The following SIRPG variants were observed in gnomAD, a reference collection of about 807,000 sequenced individuals.
SIRPG encodes the protein signal regulatory protein gamma.
SIRPG carries 38 observed loss-of-function variants against 35.7 expected under a neutral mutation model. That is an observed-to-expected ratio of 1.06 (90% confidence interval 0.82 to 1.40). The LOEUF (loss-of-function observed/expected upper bound fraction) is 1.40. Ranked by LOEUF, SIRPG falls within the 40% of genes most tolerant of loss-of-function variation. SIRPG has a pLI of 0.00. For synonymous variants in SIRPG, 215 were observed against 190.4 expected, an observed-to-expected ratio of 1.13 and a Z score of -1.06; for missense variants, 519 against 483.0, an observed-to-expected ratio of 1.07 and a Z score of -0.70.
chr20:1,631,083 G>C (rs914341801), intron 4 of SIRPG, among the ~76,000 whole-genome samples: 1 of 152,160 alleles, frequency 6.6e-6, no homozygotes, highest in East Asian at 1.9e-4. Flanking sequence ...CACATGTTTG[G>C]ACGCTGCATT....
rs746685702 is a variant in SIRPG at position 1,649,098 on chromosome 20, C to G, written c.384G>C (p.Glu128Asp). 1.9e-6 allele frequency: 3 copies of G among 1,613,828 alleles called. No homozygotes were observed. In the African/African-American group the frequency reaches 4.0e-5, roughly 22 times the overall value. Residue 128 changes from glutamate (E) to aspartate (D), a missense_variant, in exon 2 of 6, where the codon GAG becomes GAC. Transcript: ENST00000303415. ...YCVKFRKGSP[E>D]NVEFKSGPGT... The stretch of plus-strand genomic sequence containing the variant: ...CTGGTCCAGACTTAAACTCCACGTT[C>G]TCAGGGCTCCCTTTTCGAAACTTCA...
At chr20:1,663,175 T>C in the SIRPG span, among the ~76,000 whole-genome samples, 1 of 151,494 alleles carries the variant, frequency 6.6e-6, no homozygotes, top group Non-Finnish European at 1.5e-5. Context: ...TAGCCGGGCG[T>C]GGTGGTGGGC....
At chr20:1,630,446 A>C (rs1600188543) in intron 4 of SIRPG, 140 bp from the exon 5 acceptor site, 1 of 632,766 alleles carries the variant, frequency 1.6e-6, no homozygotes, top group African/African-American at 1.9e-5. Context: ...GGCTATCTTC[A>C]CTCCAGCACA....
At chr20:1,663,028 T>A in the SIRPG span, among the ~76,000 whole-genome samples, 1 of 150,188 alleles carries the variant, frequency 6.7e-6, no homozygotes, top group Non-Finnish European at 1.5e-5. Context: ...AAAAAAAAAA[T>A]CATGGCCCGG....
rs149358065 is a variant in SIRPG at position 1,655,433 on chromosome 20, A to G, written c.73+2209T>C. 5.3e-3 allele frequency among the ~76,000 whole-genome samples: 800 copies of G among 152,354 alleles called. 2 individuals are homozygous for G. The highest frequency in any genetic ancestry group is 0.018 in the African/African-American group (762 of 41,580). On this transcript the variant is annotated intron_variant, in intron 1 of 5. Transcript: ENST00000303415. Reference sequence around the variant, plus strand: ...AGTGAAATAAGCCAGGCACGGAAAGACAAACACTGTATGATTTCACGTATG... The same window carrying G: ...AGTGAAATAAGCCAGGCACGGAAAGGCAAACACTGTATGATTTCACGTATG...
chr20:1,685,730 G>A, the SIRPG span, among the ~76,000 whole-genome samples: 1 of 152,154 alleles, frequency 6.6e-6, no homozygotes, highest in Admixed American at 6.5e-5. Flanking sequence ...TGGGAAGCAG[G>A]GGGAACAGAG....
intron 1 of SIRPG, among the ~76,000 whole-genome samples, chr20:1,650,004 G>GTGTATATA (rs774462534): frequency 1.0e-5 from 1 of 98,836 alleles, no homozygotes; most frequent in African/African-American, 3.9e-5. Context: ...TTTGAAGTGT[G>GTGTATATA]TATATATATA....
At chr20:1,660,461 G>T (rs980348207), upstream of SIRPG, among the ~76,000 whole-genome samples, 68 of 152,094 alleles carry the variant, frequency 4.5e-4, no homozygotes, top group African/African-American at 1.6e-3. Flanking sequence ...GAGTCATAAA[G>T]TATTATGTCT....
chr20:1,650,004 G>GTATATATATATATATATATATATA (rs71193923), intron 1 of SIRPG, among the ~76,000 whole-genome samples: 26 of 98,798 alleles, frequency 2.6e-4, no homozygotes, highest in African/African-American at 9.7e-4. Flanking sequence ...TTTGAAGTGT[G>GTATATATATATATATATATATATA]TATATATATA....
At chr20:1,643,147 A>G (rs139363870) in intron 2 of SIRPG, among the ~76,000 whole-genome samples, 62 of 152,256 alleles carry the variant, frequency 4.1e-4, no homozygotes, top group Admixed American at 1.2e-3. Flanking sequence ...TCTCCTGGAT[A>G]ATATCCTGAA....
intron 2 of SIRPG, among the ~76,000 whole-genome samples, chr20:1,645,221 C>T (rs370946079): frequency 1.3e-5 from 2 of 152,094 alleles, no homozygotes; most frequent in Admixed American, 6.5e-5. Context: ...GAGCTGTTTC[C>T]ACCACATTTT....
At chr20:1,631,864 T>G (rs967264345) in intron 4 of SIRPG, among the ~76,000 whole-genome samples, 2 of 152,176 alleles carry the variant, frequency 1.3e-5, no homozygotes, top group Non-Finnish European at 2.9e-5. Flanking sequence ...TGGCTATCAC[T>G]GGGCATATTT....
chr20:1,642,723 A>G (rs2091863403), intron 2 of SIRPG, among the ~76,000 whole-genome samples: 1 of 151,884 alleles, frequency 6.6e-6, no homozygotes, highest in Non-Finnish European at 1.5e-5. Context: ...TTTCCTTTCC[A>G]CATTTAGTAC....
the SIRPG span, among the ~76,000 whole-genome samples, chr20:1,663,583 T>C: frequency 6.6e-6 from 1 of 152,238 alleles, no homozygotes; most frequent in Non-Finnish European, 1.5e-5. Flanking sequence ...ATTTACACTA[T>C]CAAAATTGAC....
At chr20:1,678,846 C>T in the SIRPG span, among the ~76,000 whole-genome samples, 4 of 152,120 alleles carry the variant, frequency 2.6e-5, no homozygotes, top group Admixed American at 1.3e-4. Context: ...AAAAGAGAAG[C>T]GATTCCTCTC....
At position 1,652,507 on chromosome 20, in the gene SIRPG, G is replaced by A. The variant is rs2091946900; in HGVS notation, c.74-3099C>T. Among the ~76,000 whole-genome samples, 3 of 152,178 alleles carry A rather than the reference G, an allele frequency of 2.0e-5. 1 individual carries two copies. The South Asian group carries it at 6.2e-4, about 32-fold the overall frequency. ...AAGAAGGATTATAAACCATGAACAA[G>A]TGGTATTTATTCCTGGAATATGAGT... is the stretch of plus-strand genomic sequence containing the variant. On this transcript the variant is annotated intron_variant, in intron 1 of 5. Coordinates refer to ENST00000303415, the MANE Select transcript of SIRPG (RefSeq NM_018556.4).
intron 1 of SIRPG, among the ~76,000 whole-genome samples, chr20:1,657,112 G>C (rs1364671607): frequency 6.6e-6 from 1 of 152,132 alleles, no homozygotes; most frequent in Non-Finnish European, 1.5e-5. Flanking sequence ...ACACATGGAG[G>C]AGATGGCCTT....
intron 2 of SIRPG, among the ~76,000 whole-genome samples, chr20:1,639,762 T>C (rs2091836932): frequency 6.6e-6 from 1 of 152,222 alleles, no homozygotes; most frequent in Non-Finnish European, 1.5e-5. Context: ...GGGTTTTACA[T>C]TTAAGTCTTT....
intron 2 of SIRPG, among the ~76,000 whole-genome samples, chr20:1,638,935 G>T (rs189461202): frequency 9.1e-4 from 138 of 152,196 alleles, no homozygotes; most frequent in African/African-American, 3.1e-3. Flanking sequence ...CCATGGCCCC[G>T]CAAAGGACAT....
Sources: allele counts gnomAD v4.1 joint callset (sites outside exome capture counted in the v4.1 genomes callset), GRCh38; gene constraint gnomAD v4.1.1; transcripts MANE v1.5; gene names NCBI Gene and HGNC (gene_info 2026-07-23, HGNC 2026-07-21).